Variants in TNFRSF21 observed in about 807,000 individuals in gnomAD.
TNFRSF21 encodes TNF receptor superfamily member 21, also known as tumor necrosis factor receptor superfamily member 21.
A neutral mutation model predicts 45.6 loss-of-function variants in TNFRSF21; 19 were observed. The ratio of observed to expected loss-of-function variants is 0.42; its 90% confidence interval spans 0.29 to 0.61. The LOEUF (loss-of-function observed/expected upper bound fraction) is 0.61, where lower values mean the gene tolerates loss of function less well. TNFRSF21 is among the 20% of genes least tolerant of loss of function. The pLI, the probability that TNFRSF21 is intolerant of heterozygous loss-of-function variation, is 0.23. For synonymous variants in TNFRSF21, 314 were observed against 335.5 expected, an observed-to-expected ratio of 0.94 and a Z score of 0.70; for missense variants, 737 against 851.5, an observed-to-expected ratio of 0.87 and a Z score of 1.67.
rs1764596080 is a variant in TNFRSF21 at position 47,232,393 on chromosome 6, A to G, written c.*372T>C. ...CACAATCCAGTGTGTGGGAAAAGTCACACTGCATTTATGGTAAGTTAAGTA... is the reference window on the plus strand; with the variant it reads ...CACAATCCAGTGTGTGGGAAAAGTCGCACTGCATTTATGGTAAGTTAAGTA... On this transcript the variant is annotated 3_prime_UTR_variant, in exon 6 of 6. Transcript: ENST00000296861. The G allele has an allele frequency of 5.4e-6, 1 of 184,726 alleles. No homozygotes were observed. The highest frequency in any genetic ancestry group is 5.5e-5 in the Admixed American group (1 of 18,232). The allele number at this position is 184,726 out of a possible 1,614,324, so 11.4% of individuals were successfully genotyped here.
At chr6:47,267,921 C>T (rs1170129664) in intron 3 of TNFRSF21, among the ~76,000 whole-genome samples, 1 of 152,190 alleles carries the variant, frequency 6.6e-6, no homozygotes, top group Non-Finnish European at 1.5e-5. Context: ...TTGAATATGT[C>T]TCTCCATCAA....
intron 1 of TNFRSF21, among the ~76,000 whole-genome samples, chr6:47,307,195 A>C (rs1762952149): frequency 6.6e-6 from 1 of 152,100 alleles, no homozygotes; most frequent in Non-Finnish European, 1.5e-5. Flanking sequence ...TCATGAATTT[A>C]CCTGAAGTCT....
At position 47,234,692 on chromosome 6, in the gene TNFRSF21, C is replaced by T; in HGVS notation, c.1716G>A (p.Arg572=). Residue 572 remains arginine (R), a synonymous_variant, in exon 5 of 6, where the codon AGG becomes AGA. Coordinates refer to ENST00000296861, the MANE Select transcript of TNFRSF21 (RefSeq NM_014452.5). ...STSSGSSALS[R]NGSFITKEKK... ...TACCTTTGGTAATAAAGGAACCGTT[C>T]CTGCTCAGCGCGGAGGAGCCGCTGG... is the stretch of plus-strand genomic sequence containing the variant. 6.2e-7 allele frequency: 1 copy of T among 1,610,336 alleles called. No individual in the cohort carries two copies. Among genetic ancestry groups the T allele is most frequent in the Non-Finnish European group, 8.5e-7 (1 of 1,178,468 alleles).
chr6:47,255,246 AG>A (rs1454132479), intron 3 of TNFRSF21, among the ~76,000 whole-genome samples: 4 of 152,188 alleles, frequency 2.6e-5, no homozygotes, highest in Non-Finnish European at 5.9e-5. Context: ...CCAAAAACTC[AG>A]GATAAGCACC....
At chr6:47,244,323 CAAA>C (rs764763953) in intron 4 of TNFRSF21, among the ~76,000 whole-genome samples, 5 of 76,046 alleles carry the variant, frequency 6.6e-5, no homozygotes, top group Non-Finnish European at 5.7e-5. Context: ...GACTCCGTCT[CAAA>C]AAAAAAAAAA....
intron 3 of TNFRSF21, among the ~76,000 whole-genome samples, chr6:47,275,070 G>T (rs1295782924): frequency 6.6e-6 from 1 of 152,186 alleles, no homozygotes; most frequent in Non-Finnish European, 1.5e-5. Flanking sequence ...GTGTAAATTA[G>T]TTCAACCATT....
intron 4 of TNFRSF21, among the ~76,000 whole-genome samples, chr6:47,240,411 G>A (rs897861678): frequency 5.3e-5 from 8 of 152,226 alleles, no homozygotes; most frequent in Admixed American, 2.6e-4. Context: ...TGTGCTAGGT[G>A]ATTCAGCAGA....
chr6:47,303,314 T>G (rs1164123464), intron 1 of TNFRSF21, among the ~76,000 whole-genome samples: 1 of 152,170 alleles, frequency 6.6e-6, no homozygotes, highest in East Asian at 1.9e-4. Flanking sequence ...GTGCCCCCCT[T>G]AGTTTTCTTG....
chr6:47,237,658 G>T (rs376369669), intron 4 of TNFRSF21, among the ~76,000 whole-genome samples: 1 of 152,214 alleles, frequency 6.6e-6, no homozygotes, highest in Admixed American at 6.5e-5. Flanking sequence ...ATTTCCTAAG[G>T]TTCTTTGAGT....
intron 1 of TNFRSF21, among the ~76,000 whole-genome samples, chr6:47,305,989 A>G (rs1762935393): frequency 6.6e-6 from 1 of 152,202 alleles, no homozygotes; most frequent in Admixed American, 6.5e-5. Context: ...TTACAGAGAT[A>G]TGATATAGCA....
intron 3 of TNFRSF21, among the ~76,000 whole-genome samples, chr6:47,254,800 T>C (rs1764956173): frequency 6.6e-6 from 1 of 152,196 alleles, no homozygotes; most frequent in Admixed American, 6.5e-5. Context: ...ATAATAACAA[T>C]AGCTATTATC....
Position 47,232,345 on chromosome 6 carries a change from T to C in TNFRSF21, c.*420A>G, listed in dbSNP as rs901434009. The C allele has an allele frequency of 1.9e-5, 3 of 159,638 alleles. No homozygotes were observed. The highest frequency in any genetic ancestry group is 4.1e-5 in the Non-Finnish European group (3 of 73,086). The allele number at this position is 159,638 out of a possible 1,614,324, so 9.9% of individuals were successfully genotyped here. On this transcript the variant is annotated 3_prime_UTR_variant, in exon 6 of 6. Coordinates refer to ENST00000296861, the MANE Select transcript of TNFRSF21 (RefSeq NM_014452.5). ...TTATAGGATTCACAAGATGCCATTA[T>C]ACTTTTAAGAAGTTAAGAGCCTCAC...
At chr6:47,248,630 C>T (rs937621877) in intron 4 of TNFRSF21, among the ~76,000 whole-genome samples, 1 of 152,226 alleles carries the variant, frequency 6.6e-6, no homozygotes, top group Non-Finnish European at 1.5e-5. Context: ...GGAACATGTG[C>T]TCAGGCAGTA....
chr6:47,279,066 G>A (rs889616286), intron 3 of TNFRSF21, among the ~76,000 whole-genome samples: 5 of 152,140 alleles, frequency 3.3e-5, no homozygotes, highest in African/African-American at 1.2e-4. Context: ...AGAAACTGCC[G>A]ATGTTTTGTT....
At chr6:47,307,594 G>A (rs935872031) in intron 1 of TNFRSF21, among the ~76,000 whole-genome samples, 2 of 152,040 alleles carry the variant, frequency 1.3e-5, no homozygotes, top group Non-Finnish European at 2.9e-5. Flanking sequence ...GGCAAATCTC[G>A]AACTCCTGGA....
intron 1 of TNFRSF21, among the ~76,000 whole-genome samples, chr6:47,289,026 G>C (rs931947777): frequency 6.6e-6 from 1 of 152,208 alleles, no homozygotes; most frequent in Non-Finnish European, 1.5e-5. Flanking sequence ...AAATCCTGAG[G>C]TCCTTCTGAG....
At chr6:47,252,603 G>T (rs1035313765) in intron 4 of TNFRSF21, among the ~76,000 whole-genome samples, 1 of 152,210 alleles carries the variant, frequency 6.6e-6, no homozygotes, top group African/African-American at 2.4e-5. Context: ...GGCAAGGAAA[G>T]TTGAAGTAAC....
chr6:47,295,251 C>T (rs1762776745), intron 1 of TNFRSF21, among the ~76,000 whole-genome samples: 1 of 152,218 alleles, frequency 6.6e-6, no homozygotes, highest in Admixed American at 6.5e-5. Context: ...TTTGCAAAGA[C>T]ATGTCAGAAT....
At chr6:47,293,528 T>C (rs1048422145) in intron 1 of TNFRSF21, among the ~76,000 whole-genome samples, 4 of 152,180 alleles carry the variant, frequency 2.6e-5, no homozygotes, top group Admixed American at 2.6e-4. Context: ...CTGGATAATA[T>C]ACTATCCAGC....
Sources: gnomAD v4.1 joint callset for allele counts (sites outside exome capture counted in the v4.1 genomes callset) on GRCh38, gnomAD v4.1.1 for gene constraint, MANE v1.5 for transcripts, NCBI Gene and HGNC (gene_info 2026-07-23, HGNC 2026-07-21) for gene names.